Variants in NRXN3 observed in about 807,000 individuals in gnomAD.
NRXN3 encodes neurexin III.
NRXN3 carries 32 observed loss-of-function variants against 137.6 expected under a neutral mutation model. That is an observed-to-expected ratio of 0.23 (90% confidence interval 0.18 to 0.31). The LOEUF is 0.31. Among genes scored for constraint, NRXN3 ranks in the 10% least tolerant of loss-of-function variants. NRXN3 has a pLI of 1.00. For missense variants in NRXN3, 1,574 were observed against 2,062.5 expected (o/e 0.76, Z 4.59); for synonymous variants, 798 against 784.5 (o/e 1.02, Z -0.29).
At chr14:79,839,184 G>T (rs980267761) in intron 20 of NRXN3, among the ~76,000 whole-genome samples, 3 of 151,772 alleles carry the variant, frequency 2.0e-5, no homozygotes, top group Admixed American at 6.6e-5. Context: ...TGGTTGCTAT[G>T]AATCTCCTGT....
chr14:79,126,913 C>A (rs2056602244), intron 15 of NRXN3, among the ~76,000 whole-genome samples: 1 of 152,196 alleles, frequency 6.6e-6, no homozygotes, highest in Admixed American at 6.5e-5. Flanking sequence ...ATTTGCATTT[C>A]TCTGTTGGCC....
intron 16 of NRXN3, among the ~76,000 whole-genome samples, chr14:79,577,119 A>C (rs1042031030): frequency 1.3e-5 from 2 of 152,116 alleles, no homozygotes; most frequent in African/African-American, 4.8e-5. Flanking sequence ...TGCACGAGCT[A>C]TCTTGCCTGC....
intron 19 of NRXN3, among the ~76,000 whole-genome samples, chr14:79,713,981 G>GTGTT (rs1214121214): frequency 2.0e-5 from 3 of 152,030 alleles, no homozygotes; most frequent in African/African-American, 7.2e-5. Context: ...CCATCCTACA[G>GTGTT]TGTTTGGTGA....
At chr14:78,343,535 TTTAA>T (rs2082371793) in intron 4 of NRXN3, among the ~76,000 whole-genome samples, 1 of 152,250 alleles carries the variant, frequency 6.6e-6, no homozygotes, top group Non-Finnish European at 1.5e-5. Flanking sequence ...AATGATTTTA[TTTAA>T]TTCTTACACC....
At chr14:79,675,646 C>T (rs1220850460) in intron 17 of NRXN3, among the ~76,000 whole-genome samples, 1 of 152,006 alleles carries the variant, frequency 6.6e-6, no homozygotes, top group Admixed American at 6.6e-5. Flanking sequence ...TGACATAGAC[C>T]TACTGGTGAG....
At chr14:79,122,824 C>A (rs954337583) in intron 15 of NRXN3, among the ~76,000 whole-genome samples, 2 of 152,202 alleles carry the variant, frequency 1.3e-5, no homozygotes, top group African/African-American at 4.8e-5. Context: ...TTCACCTCTT[C>A]AAGTTTCTCA....
intron 4 of NRXN3, among the ~76,000 whole-genome samples, chr14:78,629,963 A>G (rs1465678333): frequency 6.6e-6 from 1 of 152,210 alleles, no homozygotes; most frequent in African/African-American, 2.4e-5. Flanking sequence ...CATCACACTA[A>G]CTCGATGCCC....
rs139637517 is a variant in NRXN3 at position 79,774,615 on chromosome 14, A to G, written c.4015-30497A>G. On this transcript the variant is annotated intron_variant, in intron 19 of 20. Transcript: ENST00000335750. The stretch of plus-strand genomic sequence containing the variant: ...CTTCGCATTCATTATCAGACTCTGA[A>G]AAAGCATATCCAGTCTCTCCATGGA... Among the ~76,000 whole-genome samples the G allele has an allele frequency of 3.5e-3, 528 of 152,272 alleles. 1 individual carries two copies. Among genetic ancestry groups the G allele is most frequent in the African/African-American group, 0.012 (496 of 41,558 alleles).
intron 15 of NRXN3, among the ~76,000 whole-genome samples, chr14:79,279,079 G>C (rs1029773865): frequency 1.3e-5 from 2 of 152,354 alleles, no homozygotes; most frequent in African/African-American, 4.8e-5. Context: ...GAGAAGAGCA[G>C]GGCACGGGTG....
At chr14:79,361,349 G>A (rs2093673758) in intron 15 of NRXN3, among the ~76,000 whole-genome samples, 1 of 152,090 alleles carries the variant, frequency 6.6e-6, no homozygotes, top group Admixed American at 6.5e-5. Flanking sequence ...TTAATACTGA[G>A]TCCAGCTGAA....
At chr14:79,834,904 C>T (rs1287486997) in intron 20 of NRXN3, among the ~76,000 whole-genome samples, 1 of 152,080 alleles carries the variant, frequency 6.6e-6, no homozygotes, top group Non-Finnish European at 1.5e-5. Flanking sequence ...AGTGACAATA[C>T]GAAACCAGAT....
At chr14:78,381,974 G>A (rs1009855378) in intron 4 of NRXN3, among the ~76,000 whole-genome samples, 1 of 152,172 alleles carries the variant, frequency 6.6e-6, no homozygotes, top group Non-Finnish European at 1.5e-5. Context: ...ACAACTTGAA[G>A]GGTTCTTGTG....
At chr14:79,295,980 C>T (rs1566707311) in intron 15 of NRXN3, among the ~76,000 whole-genome samples, 1 of 152,180 alleles carries the variant, frequency 6.6e-6, no homozygotes, top group Non-Finnish European at 1.5e-5. Flanking sequence ...GGGTGTCAGA[C>T]TCTTAAACAT....
chr14:78,725,011 A>G (rs927422059), intron 8 of NRXN3, among the ~76,000 whole-genome samples: 4 of 152,194 alleles, frequency 2.6e-5, no homozygotes, highest in African/African-American at 7.2e-5. Flanking sequence ...AGATCATTTC[A>G]TGCTTCTTAG....
intron 16 of NRXN3, among the ~76,000 whole-genome samples, chr14:79,523,500 T>A (rs1348677956): frequency 6.6e-6 from 1 of 152,202 alleles, no homozygotes; most frequent in Non-Finnish European, 1.5e-5. Context: ...AATTACTGTA[T>A]AAGTAAAATG....
At chr14:78,278,764 T>C (rs1596686995) in intron 3 of NRXN3, 102 bp downstream of exon 3, 1 of 914,446 alleles carries the variant, frequency 1.1e-6, no homozygotes, top group East Asian at 2.6e-5. Flanking sequence ...AAATTCTAAG[T>C]GTATTGCATT....
rs546179157 is a variant in NRXN3, at chr14:78,328,916, C to T, written c.757+31056C>T. The stretch of plus-strand genomic sequence containing the variant: ...AACCTAGGCTGCTGAGGAAGTGCAG[C>T]AGGCATTTGGGGTAGGGGTGGGGAC... On this transcript the variant is annotated intron_variant, in intron 4 of 20. Coordinates refer to ENST00000335750, the MANE Select transcript of NRXN3 (RefSeq NM_001330195.2). Among the ~76,000 whole-genome samples, 50 of 152,270 alleles carry T rather than the reference C, an allele frequency of 3.3e-4. No homozygotes were observed. The South Asian group carries it at 9.8e-3, about 30-fold the overall frequency.
intron 19 of NRXN3, among the ~76,000 whole-genome samples, chr14:79,775,385 T>C (rs2099093451): frequency 6.6e-6 from 1 of 152,040 alleles, no homozygotes. Flanking sequence ...CAGATAGGCA[T>C]TACTGTTCGC....
Position 78,243,586 on chromosome 14 carries a change from G to A in NRXN3, c.493G>A (p.Gly165Arg), listed in dbSNP as rs1451076414. 6.3e-7 allele frequency: 1 copy of A among 1,598,438 alleles called. No homozygotes were observed. The highest frequency in any genetic ancestry group is 8.5e-7 in the Non-Finnish European group (1 of 1,179,824). Residue 165 changes from glycine to arginine, a missense_variant, in exon 2 of 21, where the codon GGA becomes AGA. Gly to Arg is a moderately radical substitution (Grantham distance 125, BLOSUM62 -2). Around this residue, in one of 5 missense-constraint regions of NRXN3, gnomAD observed 400 missense variants for 527.3 expected, o/e 0.76. Transcript: ENST00000335750. The surrounding 1 kb of genome is among the most constrained non-coding windows in gnomAD (Gnocchi z 4.2). ...ACGACCTTCTGCCCTGACCCTTGAT[G>A]GAGTTCAGGCCATGCCCGGCTTCAA... ...DIRPSALTLD[G>R]VQAMPGFKGL... is the part of the protein sequence containing the mutation.
Sources: gnomAD v4.1 joint callset for allele counts (sites outside exome capture counted in the v4.1 genomes callset) on GRCh38, gnomAD v4.1.1 for gene constraint, gnomAD v4.1.1 regional missense constraint, Gnocchi (gnomAD v3.1) non-coding constraint, MANE v1.5 for transcripts, NCBI Gene and HGNC (gene_info 2026-07-23, HGNC 2026-07-21) for gene names.